LRRC4C: variants seen among roughly 807,000 people sequenced by gnomAD.
The protein encoded by LRRC4C is leucine-rich repeat-containing protein 4C.
Under a neutral mutation model 33.6 loss-of-function variants are expected in LRRC4C, and 5 were observed. That is an observed-to-expected ratio of 0.15 (90% confidence interval 0.08 to 0.31). LRRC4C has a LOEUF of 0.31. Ranked by LOEUF, LRRC4C falls within the 10% of genes least tolerant of loss-of-function variation. LRRC4C has a pLI of 1.00. For synonymous variants in LRRC4C, 329 were observed against 302.0 expected (o/e 1.09, Z -0.93); for missense variants, 560 against 796.7 (o/e 0.70, Z 3.58).
chr11:40,961,228 T>C (rs1040092479), intron 1 of LRRC4C, among the ~76,000 whole-genome samples: 2 of 151,752 alleles, frequency 1.3e-5, no homozygotes, highest in African/African-American at 4.8e-5. Context: ...ACAAGAGCTA[T>C]TGTGACTAGA....
intron 3 of LRRC4C, among the ~76,000 whole-genome samples, chr11:40,437,630 G>C (rs1951199363): frequency 6.6e-6 from 1 of 152,032 alleles, no homozygotes; most frequent in African/African-American, 2.4e-5. Flanking sequence ...CTGACCTCTG[G>C]TGATCCACAC....
intron 2 of LRRC4C, among the ~76,000 whole-genome samples, chr11:40,661,073 C>A (rs10837466): frequency 0.55 from 83,634 of 151,920 alleles, 24,122 homozygotes; most frequent in East Asian, 0.71. Flanking sequence ...CATACAATAA[C>A]GAATTGAATT....
chr11:40,590,768 G>A (rs1959009486), intron 3 of LRRC4C, among the ~76,000 whole-genome samples: 1 of 151,180 alleles, frequency 6.6e-6, no homozygotes, highest in Non-Finnish European at 1.5e-5. Context: ...CTGCTGGGGG[G>A]TGCCTCCCAG....
chr11:40,815,443 T>C (rs375574361), intron 2 of LRRC4C, among the ~76,000 whole-genome samples: 2 of 152,266 alleles, frequency 1.3e-5, no homozygotes, highest in South Asian at 2.1e-4. Context: ...CCTCAGACCT[T>C]ATTTACCAAA....
intron 3 of LRRC4C, among the ~76,000 whole-genome samples, chr11:40,545,245 T>C (rs1956867504): frequency 6.6e-6 from 1 of 152,058 alleles, no homozygotes; most frequent in Non-Finnish European, 1.5e-5. Flanking sequence ...AGACTACTAG[T>C]TCTTTAAACA....
chr11:40,665,362 ATG>A (rs1397169061), intron 2 of LRRC4C, among the ~76,000 whole-genome samples: 360 of 13,884 alleles, frequency 0.026, 10 homozygotes, highest in African/African-American at 0.05. Flanking sequence ...ATATATATAT[ATG>A]TATATATATA....
chr11:40,162,404 C>T (rs954151828), intron 5 of LRRC4C, among the ~76,000 whole-genome samples: 23 of 152,072 alleles, frequency 1.5e-4, no homozygotes, highest in African/African-American at 5.3e-4. Flanking sequence ...AAATAAATTG[C>T]TTCCTCTAGA....
At chr11:41,040,137 C>CAAA (rs5791415) in intron 1 of LRRC4C, among the ~76,000 whole-genome samples, 4 of 96,346 alleles carry the variant, frequency 4.2e-5, no homozygotes, top group South Asian at 3.8e-4. Flanking sequence ...GACTCTGTCT[C>CAAA]AAAAAAAAAA....
intron 1 of LRRC4C, among the ~76,000 whole-genome samples, chr11:41,350,888 C>T (rs145184412): frequency 6.6e-6 from 1 of 152,276 alleles, no homozygotes; most frequent in Non-Finnish European, 1.5e-5. Context: ...CAAAGAAACT[C>T]AGATCTGGAA....
chr11:40,722,919 C>A (rs1173525767), intron 2 of LRRC4C, among the ~76,000 whole-genome samples: 1 of 152,136 alleles, frequency 6.6e-6, no homozygotes, highest in Non-Finnish European at 1.5e-5. Context: ...AACTGAACTT[C>A]TGGAATTTAA....
intron 1 of LRRC4C, among the ~76,000 whole-genome samples, chr11:40,993,548 C>A (rs1028286058): frequency 6.6e-6 from 1 of 151,282 alleles, no homozygotes; most frequent in Middle Eastern, 3.2e-3. Context: ...TTTAGGCACT[C>A]CTTTGATTGC....
chr11:41,335,686 A>G (rs543589519), intron 1 of LRRC4C, among the ~76,000 whole-genome samples: 2 of 152,304 alleles, frequency 1.3e-5, no homozygotes, highest in African/African-American at 4.8e-5. Flanking sequence ...CTTGACTCAT[A>G]ATAGGTCTGC....
At chr11:41,221,353 A>G (rs900030691) in intron 1 of LRRC4C, among the ~76,000 whole-genome samples, 1 of 152,156 alleles carries the variant, frequency 6.6e-6, no homozygotes, top group Non-Finnish European at 1.5e-5. Context: ...ACGATGAGAT[A>G]CCATTTAACA....
chr11:41,080,170 T>C (rs1939458089), intron 1 of LRRC4C, among the ~76,000 whole-genome samples: 1 of 152,142 alleles, frequency 6.6e-6, no homozygotes, highest in African/African-American at 2.4e-5. Context: ...CATTCATAAA[T>C]AGGATTTCCA....
At chr11:40,420,430 G>A (rs1211486231) in intron 3 of LRRC4C, among the ~76,000 whole-genome samples, 4 of 152,026 alleles carry the variant, frequency 2.6e-5, no homozygotes, top group Admixed American at 6.6e-5. Flanking sequence ...CTTCCCTCAC[G>A]TCTCTCCATC....
At chr11:40,396,796 A>G (rs1050730700) in intron 3 of LRRC4C, among the ~76,000 whole-genome samples, 2 of 152,106 alleles carry the variant, frequency 1.3e-5, no homozygotes, top group Non-Finnish European at 2.9e-5. Context: ...AAGAATCTGT[A>G]TGCAAACACG....
At chr11:41,274,635 G>A (rs1355833970) in intron 1 of LRRC4C, among the ~76,000 whole-genome samples, 1 of 152,084 alleles carries the variant, frequency 6.6e-6, no homozygotes, top group African/African-American at 2.4e-5. Flanking sequence ...GCAGGACATG[G>A]GTGGGGACAA....
chr11:40,426,067 G>T (rs1950703457), intron 3 of LRRC4C, among the ~76,000 whole-genome samples: 2 of 148,050 alleles, frequency 1.4e-5, no homozygotes, highest in South Asian at 4.3e-4. Flanking sequence ...AGACTGGAGT[G>T]CAGTGGCGCG....
At chr11:41,351,642 A>G (rs1046757026) in intron 1 of LRRC4C, among the ~76,000 whole-genome samples, 16 of 152,348 alleles carry the variant, frequency 1.1e-4, no homozygotes, top group African/African-American at 3.6e-4. Context: ...TAACAGCAGA[A>G]CTTTCAGCAG....
Sources: gnomAD v4.1 joint callset for allele counts (sites outside exome capture counted in the v4.1 genomes callset) on GRCh38, gnomAD v4.1.1 for gene constraint, MANE v1.5 for transcripts, NCBI Gene and HGNC (gene_info 2026-07-23, HGNC 2026-07-21) for gene names.